The following CTNNA3 variants were observed in gnomAD, a reference collection of about 807,000 sequenced individuals.
CTNNA3 encodes catenin alpha 3.
A neutral mutation model predicts 95.7 loss-of-function variants in CTNNA3; 76 were observed. The observed-to-expected ratio is 0.79, with a 90% CI of 0.66 to 0.96. The LOEUF is 0.96. Ranked by LOEUF, CTNNA3 falls within the 40% of genes least tolerant of loss-of-function variation. CTNNA3 has a pLI of 0.00. For missense variants in CTNNA3, 1,191 were observed against 1,089.8 expected (o/e 1.09, Z -1.31); for synonymous variants, 431 against 374.4 (o/e 1.15, Z -1.74).
At position 67,615,657 on chromosome 10, in the gene CTNNA3, C is replaced by G. The variant is rs200843688; in HGVS notation, c.100-8608G>C. 4.4e-4 allele frequency among the ~76,000 whole-genome samples: 45 copies of G among 102,146 alleles called. 1 individual carries two copies. The East Asian group carries it at 5.4e-3, about 12-fold the overall frequency. 67.0% of individuals were successfully genotyped at this position (102,146 alleles called of 152,430 possible). A position where few individuals can be genotyped will look rare whatever the true frequency, so the allele number is the denominator to read the frequency against. ...AATGTGTAACACAACGGCAGGTATT[C>G]TTTTTTTTTTTTTTTTTTTTTTTGA... On this transcript the variant is annotated intron_variant, in intron 2 of 17. Coordinates refer to ENST00000433211, the MANE Select transcript of CTNNA3 (RefSeq NM_013266.4).
chr10:66,591,845 A>G (rs189432080), intron 10 of CTNNA3, among the ~76,000 whole-genome samples: 41 of 152,250 alleles, frequency 2.7e-4, no homozygotes, highest in Non-Finnish European at 4.9e-4. Flanking sequence ...ACACAGGAAA[A>G]AAATCTTTTT....
chr10:66,421,291 G>T (rs765176846), intron 11 of CTNNA3, among the ~76,000 whole-genome samples: 3 of 152,126 alleles, frequency 2.0e-5, no homozygotes, highest in Non-Finnish European at 4.4e-5. Context: ...AAGAGAGGTA[G>T]GTTAATAAGT....
At chr10:67,440,345 C>T (rs1185355084) in intron 5 of CTNNA3, among the ~76,000 whole-genome samples, 1 of 152,148 alleles carries the variant, frequency 6.6e-6, no homozygotes, top group African/African-American at 2.4e-5. Flanking sequence ...AGGCAGATTT[C>T]TAAGGTTTTT....
intron 7 of CTNNA3, among the ~76,000 whole-genome samples, chr10:67,071,765 A>C (rs1161433750): frequency 6.6e-6 from 1 of 152,164 alleles, no homozygotes; most frequent in Non-Finnish European, 1.5e-5. Flanking sequence ...AAATTAGCAT[A>C]ACACAAATAC....
intron 2 of CTNNA3, among the ~76,000 whole-genome samples, chr10:67,640,073 T>C (rs567392054): frequency 5.3e-5 from 8 of 152,224 alleles, no homozygotes; most frequent in Non-Finnish European, 1.2e-4. Flanking sequence ...TGTCCCTGTT[T>C]GCAGATGGCA....
In CTNNA3 at chr10:67,731,879, TC is replaced by T. The variant is rs965750637; in HGVS notation, c.-2+31554del. Reference sequence around the variant, plus strand: ...TTTTGTTGTTGTTGTTGTTTTGTTTTCTTTTTTAGTAGCTGGGATTACAGGT... The same window carrying T: ...TTTTGTTGTTGTTGTTGTTTTGTTTTTTTTTTAGTAGCTGGGATTACAGGT... On this transcript the variant is annotated intron_variant, in intron 1 of 17. Transcript: ENST00000684154. Among the ~76,000 whole-genome samples, 90 of 152,166 alleles carry T rather than the reference TC, an allele frequency of 5.9e-4. 2 individuals carry two copies. The highest frequency in any genetic ancestry group is 2.1e-3 in the African/African-American group (86 of 41,534).
At position 67,180,357 on chromosome 10, in the gene CTNNA3, C is replaced by G. The variant is rs372482202; in HGVS notation, c.1007G>C (p.Arg336Pro). 1 of 1,613,452 alleles carries G rather than the reference C, an allele frequency of 6.2e-7. No individual in the cohort carries two copies. Among genetic ancestry groups the G allele is most frequent in the Non-Finnish European group, 8.5e-7 (1 of 1,179,828 alleles). The change falls in exon 7 of 18, where the codon CGC (arginine) becomes CCC (proline). Residue 336 changes from arginine to proline, a missense_variant. Arg to Pro is a moderately radical substitution (Grantham distance 103). Coordinates refer to ENST00000433211, the MANE Select transcript of CTNNA3 (RefSeq NM_013266.4). The part of the protein sequence containing the change: ...ERIIAECNAI[R>P]QALQDLLSEY... ...TGAAAGCAGATCCTGAAGAGCCTGG[C>G]GAATGGCGTTGCATTCTGCGATAAT...
intron 12 of CTNNA3, among the ~76,000 whole-genome samples, chr10:66,293,628 T>A (rs1165501270): frequency 6.6e-6 from 1 of 152,010 alleles, no homozygotes; most frequent in Admixed American, 6.6e-5. Flanking sequence ...TCATTACTTT[T>A]TCTGTGAATT....
chr10:67,188,376 T>G (rs970139979), intron 6 of CTNNA3, among the ~76,000 whole-genome samples: 4 of 152,116 alleles, frequency 2.6e-5, no homozygotes, highest in Non-Finnish European at 5.9e-5. Context: ...ATCCCTGTAT[T>G]CCCAGCTACT....
chr10:66,555,937 A>G (rs971318499), intron 10 of CTNNA3, among the ~76,000 whole-genome samples: 18 of 152,146 alleles, frequency 1.2e-4, no homozygotes, highest in African/African-American at 3.4e-4. Context: ...AATGCAACCT[A>G]TGAAAGAAAA....
chr10:66,751,962 A>G (rs1023486750), intron 9 of CTNNA3, among the ~76,000 whole-genome samples: 2 of 152,156 alleles, frequency 1.3e-5, no homozygotes, highest in African/African-American at 2.4e-5. Flanking sequence ...GGCCTGAATA[A>G]TTGGAGAGAT....
intron 11 of CTNNA3, among the ~76,000 whole-genome samples, chr10:66,390,184 C>G (rs2092924883): frequency 6.6e-6 from 1 of 152,200 alleles, no homozygotes; most frequent in Non-Finnish European, 1.5e-5. Context: ...GTCCAGAGAA[C>G]AGACTGAAAG....
At chr10:66,404,067 G>A (rs1165292081) in intron 11 of CTNNA3, among the ~76,000 whole-genome samples, 2 of 152,042 alleles carry the variant, frequency 1.3e-5, no homozygotes, top group Non-Finnish European at 2.9e-5. Flanking sequence ...CATCACTACT[G>A]TAGAACCTCA....
intron 13 of CTNNA3, among the ~76,000 whole-genome samples, chr10:66,146,176 T>A (rs116008114): frequency 6.6e-6 from 1 of 152,108 alleles, no homozygotes; most frequent in African/African-American, 2.4e-5. Context: ...ATATCTCAGC[T>A]TTATACTATG....
At chr10:67,219,451 A>T (rs1864544839) in intron 6 of CTNNA3, among the ~76,000 whole-genome samples, 156 bp downstream of exon 6, 1 of 152,200 alleles carries the variant, frequency 6.6e-6, no homozygotes, top group Non-Finnish European at 1.5e-5. Flanking sequence ...TTTCCTGTTA[A>T]TCAATTCTTT....
At chr10:66,621,635 A>T (rs1252987274) in intron 10 of CTNNA3, 57 bp downstream of exon 10, 3 of 1,043,930 alleles carry the variant, frequency 2.9e-6, no homozygotes, top group Non-Finnish European at 4.2e-6. Flanking sequence ...TCATATGCAT[A>T]AAAGCATTAG....
intron 11 of CTNNA3, among the ~76,000 whole-genome samples, chr10:66,513,351 T>C (rs1305926572): frequency 6.6e-6 from 1 of 152,172 alleles, no homozygotes; most frequent in East Asian, 1.9e-4. Context: ...AGTCACCATA[T>C]GATTTCTTCA....
At chr10:67,277,042 C>T (rs1011890605) in intron 5 of CTNNA3, among the ~76,000 whole-genome samples, 6 of 152,142 alleles carry the variant, frequency 3.9e-5, no homozygotes, top group Non-Finnish European at 8.8e-5. Flanking sequence ...AGTTTATAGG[C>T]ATCCCAGGTC....
chr10:66,069,196 CCCCTA>C (rs1325267086), intron 15 of CTNNA3, 107 bp downstream of exon 15: 3 of 978,916 alleles, frequency 3.1e-6, no homozygotes, highest in Non-Finnish European at 3.2e-6. Flanking sequence ...ATTTGCTTTT[CCCCTA>C]CCACCTGATT....
Sources: gnomAD v4.1 joint callset for allele counts (sites outside exome capture counted in the v4.1 genomes callset) on GRCh38, gnomAD v4.1.1 for gene constraint, MANE v1.5 for transcripts, NCBI Gene and HGNC (gene_info 2026-07-23, HGNC 2026-07-21) for gene names.